Variants in EPHB2 observed in about 807,000 individuals in gnomAD.
EPHB2 encodes ephrin type-B receptor 2.
EPHB2 carries 18 observed loss-of-function variants against 96.4 expected under a neutral mutation model. That is an observed-to-expected ratio of 0.19 (90% CI 0.13 to 0.28). The LOEUF is 0.28. Ranked by LOEUF, EPHB2 falls within the 10% of genes least tolerant of loss-of-function variation. EPHB2 has a pLI of 1.00. For missense variants in EPHB2, 989 were observed against 1,355.4 expected (o/e 0.73, Z 4.25); for synonymous variants, 506 against 534.1 (o/e 0.95, Z 0.72).
chr1:22,804,734 G>C (rs1218015164), intron 3 of EPHB2, among the ~76,000 whole-genome samples: 1 of 149,526 alleles, frequency 6.7e-6, no homozygotes, highest in Non-Finnish European at 1.5e-5. Flanking sequence ...CCTCCCACCT[G>C]CCTCTTCTCT....
chr1:22,736,978 C>G (rs543152274), intron 1 of EPHB2, among the ~76,000 whole-genome samples: 3 of 152,134 alleles, frequency 2.0e-5, no homozygotes, highest in Non-Finnish European at 4.4e-5. Flanking sequence ...CAGTGGAGAA[C>G]CTGGGACTCC....
chr1:22,763,825 C>T (rs986118984), intron 1 of EPHB2, among the ~76,000 whole-genome samples: 5 of 152,160 alleles, frequency 3.3e-5, no homozygotes, highest in Non-Finnish European at 5.9e-5. Flanking sequence ...CCTCCAGAAG[C>T]TCAGGAGGAG....
In EPHB2 at chr1:22,913,752, G is replaced by GAA; in HGVS notation, c.*190_*191dup. On this transcript the variant is annotated 3_prime_UTR_variant, in exon 16 of 16. Transcript: ENST00000374630. This position sits in a 1 kb window ranked among gnomAD's most constrained non-coding sequence, Gnocchi z 4.1. ...AAGAAAACATGCAACTCAAACGACG[G>GAA]AAAAAAAAAGGGAATGGGAAAAAAG... The GAA allele has an allele frequency of 6.3e-7, 1 of 1,586,796 alleles. No homozygotes were observed.
chr1:22,845,545 C>T (rs1645529544), intron 3 of EPHB2, among the ~76,000 whole-genome samples: 1 of 152,122 alleles, frequency 6.6e-6, no homozygotes, highest in Non-Finnish European at 1.5e-5. Flanking sequence ...GAGGATTAGT[C>T]CTTGTCTGTG....
intron 5 of EPHB2, 58 bp from the exon 6 acceptor site, chr1:22,882,301 G>T: frequency 1.2e-6 from 2 of 1,605,112 alleles, no homozygotes; most frequent in Non-Finnish European, 1.7e-6. Context: ...CTGAGGGTGG[G>T]CCAGAAGCTG....
intron 1 of EPHB2, among the ~76,000 whole-genome samples, chr1:22,732,168 C>T (rs914394447): frequency 2.0e-5 from 3 of 152,146 alleles, no homozygotes; most frequent in African/African-American, 7.2e-5. Context: ...AATTAGAGGG[C>T]CTGCCTCCCA....
chr1:22,833,991 A>T (rs1246168669), intron 3 of EPHB2, among the ~76,000 whole-genome samples: 1 of 152,170 alleles, frequency 6.6e-6, no homozygotes. Context: ...GGGACAAAGA[A>T]GGTCATTATA....
chr1:22,763,691 C>G (rs1057285825), intron 1 of EPHB2, among the ~76,000 whole-genome samples: 19 of 152,284 alleles, frequency 1.2e-4, no homozygotes, highest in Middle Eastern at 3.4e-3. Flanking sequence ...GCTGCTATGA[C>G]TAATTACCAA....
At chr1:22,893,849 T>C (rs1639468976) in intron 7 of EPHB2, among the ~76,000 whole-genome samples, 1 of 152,228 alleles carries the variant, frequency 6.6e-6, no homozygotes, top group Non-Finnish European at 1.5e-5. Flanking sequence ...AGATAAGTCA[T>C]AGTTTGTCAT....
At chr1:22,773,069 T>G (rs1644400756) in intron 1 of EPHB2, among the ~76,000 whole-genome samples, 1 of 152,242 alleles carries the variant, frequency 6.6e-6, no homozygotes, top group South Asian at 2.1e-4. Context: ...CTCCACCACC[T>G]TTCCCTATGG....
chr1:22,847,309 A>G (rs1645557770), intron 3 of EPHB2, among the ~76,000 whole-genome samples: 2 of 152,246 alleles, frequency 1.3e-5, no homozygotes, highest in Non-Finnish European at 2.9e-5. Context: ...CAAGGCCAGA[A>G]GGACCCTGTT....
chr1:22,880,369 G>A (rs906473323), intron 5 of EPHB2, among the ~76,000 whole-genome samples: 1 of 152,246 alleles, frequency 6.6e-6, no homozygotes, highest in South Asian at 2.1e-4. Flanking sequence ...TTGGGGCTAG[G>A]AGAAGTGTCA....
At chr1:22,736,651 C>T (rs770763926) in intron 1 of EPHB2, among the ~76,000 whole-genome samples, 34 of 152,200 alleles carry the variant, frequency 2.2e-4, no homozygotes, top group South Asian at 8.3e-4. Context: ...GGGCAGCCTC[C>T]GCAGCGCGGC....
intron 1 of EPHB2, among the ~76,000 whole-genome samples, chr1:22,761,985 T>A (rs1271547679): frequency 6.6e-6 from 1 of 152,224 alleles, no homozygotes; most frequent in Non-Finnish European, 1.5e-5. Flanking sequence ...CAAGTCACCA[T>A]CTGTGTTTTC....
chr1:22,786,161 C>T (rs1009451700), intron 3 of EPHB2, among the ~76,000 whole-genome samples: 10 of 152,312 alleles, frequency 6.6e-5, no homozygotes, highest in Admixed American at 2.6e-4. Context: ...CACTCACTAG[C>T]GGTATCACCT....
intron 3 of EPHB2, among the ~76,000 whole-genome samples, chr1:22,786,031 G>A (rs1206881874): frequency 6.6e-6 from 1 of 152,180 alleles, no homozygotes; most frequent in Non-Finnish European, 1.5e-5. Flanking sequence ...TTTGAATATG[G>A]TAAAGAACCA....
At chr1:22,737,147 T>G (rs551660282) in intron 1 of EPHB2, among the ~76,000 whole-genome samples, 1 of 152,264 alleles carries the variant, frequency 6.6e-6, no homozygotes, top group South Asian at 2.1e-4. Context: ...TGCCTCCCTC[T>G]CACCCTGGCC....
At chr1:22,728,714 A>ACAACTCTAAG (rs1476645733) in intron 1 of EPHB2, among the ~76,000 whole-genome samples, 1 of 152,156 alleles carries the variant, frequency 6.6e-6, no homozygotes, top group African/African-American at 2.4e-5. Context: ...CCCATGGCCG[A>ACAACTCTAAG]CAACTCTAAG....
chr1:22,726,508 C>T (rs984180860), intron 1 of EPHB2, among the ~76,000 whole-genome samples: 6 of 151,996 alleles, frequency 3.9e-5, no homozygotes, highest in East Asian at 1.9e-4. Flanking sequence ...GCAACCTCCA[C>T]CTCCCAGGTT....
Sources: allele counts gnomAD v4.1 joint callset (sites outside exome capture counted in the v4.1 genomes callset), GRCh38; gene constraint gnomAD v4.1.1; non-coding constraint Gnocchi (gnomAD v3.1); transcripts MANE v1.5; gene names NCBI Gene and HGNC (gene_info 2026-07-23, HGNC 2026-07-21).